The following RPSA2 variants were observed in gnomAD, a reference collection of about 807,000 sequenced individuals.
RPSA2 encodes small ribosomal subunit protein uS2B.
the RPSA2 span, chr19:23,832,749 C>T: frequency 1.9e-6 from 3 of 1,558,516 alleles, no homozygotes; most frequent in Non-Finnish European, 2.6e-6. Flanking sequence ...AAGCTTTTAG[C>T]CAGTCATCAA....
At chr19:23,856,139 G>A in the RPSA2 span, among the ~76,000 whole-genome samples, 1 of 152,070 alleles carries the variant, frequency 6.6e-6, no homozygotes, top group African/African-American at 2.4e-5. Flanking sequence ...TGAGGAAGAG[G>A]TAGAGAGAGG....
the RPSA2 span, among the ~76,000 whole-genome samples, chr19:23,840,021 C>T: frequency 1.3e-5 from 2 of 152,130 alleles, no homozygotes; most frequent in Non-Finnish European, 2.9e-5. Flanking sequence ...GTCCTGATGC[C>T]TTTAAGGACA....
At chr19:23,780,942 T>C in the RPSA2 span, among the ~76,000 whole-genome samples, 1 of 152,138 alleles carries the variant, frequency 6.6e-6, no homozygotes, top group East Asian at 1.9e-4. Context: ...AATTGGAAAA[T>C]TGACTCTCAT....
the RPSA2 span, among the ~76,000 whole-genome samples, chr19:23,845,190 G>T: frequency 4.1e-4 from 17 of 41,702 alleles, no homozygotes; most frequent in Non-Finnish European, 8.4e-4. Context: ...TATAAATTTT[G>T]TCTTTTTGAA....
chr19:23,847,604 T>A, the RPSA2 span, among the ~76,000 whole-genome samples: 6 of 152,218 alleles, frequency 3.9e-5, no homozygotes, highest in African/African-American at 1.4e-4. Context: ...TAAGAGCCTA[T>A]GTTCAGTGGT....
the RPSA2 span, among the ~76,000 whole-genome samples, chr19:23,807,201 C>G: frequency 1.3e-5 from 2 of 152,056 alleles, no homozygotes; most frequent in African/African-American, 4.8e-5. Context: ...TTGTATTTAT[C>G]TTTCTTTGGT....
chr19:23,782,079 T>G, the RPSA2 span: 1 of 152,696 alleles, frequency 6.5e-6, no homozygotes, highest in Admixed American at 6.5e-5. Context: ...CCTAAACATA[T>G]AGGCCATTGT....
At chr19:23,811,263 C>CA in the RPSA2 span, among the ~76,000 whole-genome samples, 1 of 152,048 alleles carries the variant, frequency 6.6e-6, no homozygotes, top group African/African-American at 2.4e-5. Context: ...GTGATCCACC[C>CA]ACCTCAGACT....
chr19:23,849,293 A>G, the RPSA2 span, among the ~76,000 whole-genome samples: 1 of 150,064 alleles, frequency 6.7e-6, no homozygotes, highest in Non-Finnish European at 1.5e-5. Context: ...GTTCTCCACC[A>G]TAATGAAGCA....
At chr19:23,818,431 C>T in the RPSA2 span, 1 of 152,326 alleles carries the variant, frequency 6.6e-6, no homozygotes, top group Non-Finnish European at 1.5e-5. Flanking sequence ...TGTTTGACGA[C>T]CTTTCCGTTG....
chr19:23,842,319 T>G, the RPSA2 span, among the ~76,000 whole-genome samples: 3 of 152,332 alleles, frequency 2.0e-5, no homozygotes, highest in African/African-American at 7.2e-5. Flanking sequence ...TGCCGTGTTA[T>G]TCAGAAAACT....
the RPSA2 span, among the ~76,000 whole-genome samples, chr19:23,849,699 C>A: frequency 6.6e-6 from 1 of 152,130 alleles, no homozygotes; most frequent in Non-Finnish European, 1.5e-5. Context: ...AATAAGTAGC[C>A]TCCAGGCATT....
the RPSA2 span, among the ~76,000 whole-genome samples, chr19:23,786,194 GCCAAT>G: frequency 6.6e-6 from 1 of 152,190 alleles, no homozygotes. Flanking sequence ...GCTCTCATGT[GCCAAT>G]CCAGTTCATT....
chr19:23,843,842 C>CT, the RPSA2 span, among the ~76,000 whole-genome samples: 1 of 152,152 alleles, frequency 6.6e-6, no homozygotes, highest in Non-Finnish European at 1.5e-5. Context: ...TTACCGCAAT[C>CT]TTTGCCTCCT....
chr19:23,849,566 T>C, the RPSA2 span, among the ~76,000 whole-genome samples: 1 of 152,102 alleles, frequency 6.6e-6, no homozygotes, highest in Non-Finnish European at 1.5e-5. Context: ...GGGCACAGAA[T>C]GGGGAATATC....
At chr19:23,826,184 T>C in the RPSA2 span, among the ~76,000 whole-genome samples, 1 of 151,640 alleles carries the variant, frequency 6.6e-6, no homozygotes, top group African/African-American at 2.4e-5. Flanking sequence ...TTTAATTTTT[T>C]CTTTTTTTCT....
the RPSA2 span, among the ~76,000 whole-genome samples, chr19:23,786,681 ACT>A: frequency 4.6e-5 from 7 of 152,020 alleles, no homozygotes; most frequent in African/African-American, 1.2e-4. Flanking sequence ...TACTGATGTT[ACT>A]CTCTTCTCCT....
chr19:23,776,285 C>T, the RPSA2 span, among the ~76,000 whole-genome samples: 8 of 152,270 alleles, frequency 5.3e-5, no homozygotes, highest in African/African-American at 1.9e-4. Context: ...TATCGCTGGA[C>T]CAGAAACTAG....
the RPSA2 span, among the ~76,000 whole-genome samples, chr19:23,861,322 C>T: frequency 6.6e-6 from 1 of 152,158 alleles, no homozygotes; most frequent in Non-Finnish European, 1.5e-5. Flanking sequence ...CATATGAGTC[C>T]TTGAACAGGG....
Sources: gnomAD v4.1 joint callset for allele counts (sites outside exome capture counted in the v4.1 genomes callset) on GRCh38, gnomAD v4.1.1 for gene constraint, MANE v1.5 for transcripts, NCBI Gene and HGNC (gene_info 2026-07-23, HGNC 2026-07-21) for gene names.